Variants in PLEKHG1 observed in about 807,000 individuals in gnomAD.
PLEKHG1 encodes pleckstrin homology domain-containing family G member 1.
In PLEKHG1, 44 loss-of-function variants were observed where a neutral mutation model predicts 100.8. The observed-to-expected ratio is 0.44, with a 90% CI of 0.34 to 0.56. The LOEUF is 0.56. Among genes scored for constraint, PLEKHG1 ranks in the 20% least tolerant of loss-of-function variants. PLEKHG1 has a pLI of 0.01. For synonymous variants in PLEKHG1, 640 were observed against 662.5 expected (o/e 0.97, Z 0.52); for missense variants, 1,545 against 1,720.9 (o/e 0.90, Z 1.81).
At chr6:150,694,528 C>G (rs537550927) in intron 3 of PLEKHG1, among the ~76,000 whole-genome samples, 1 of 151,600 alleles carries the variant, frequency 6.6e-6, no homozygotes, top group Non-Finnish European at 1.5e-5. Context: ...GGTGAAACCC[C>G]GTCTCTACTA....
rs1252975611 is a variant in PLEKHG1 at position 150,832,815 on chromosome 6, C to T, written c.3094+610C>T. ...CCCACCTCAGCCTCCTGAGGTGGGACCAGAGGCACTAACCACCATGCCCAG... is the reference window on the plus strand; with the variant it reads ...CCCACCTCAGCCTCCTGAGGTGGGATCAGAGGCACTAACCACCATGCCCAG... On this transcript the variant is annotated intron_variant, in intron 15 of 15. Coordinates refer to ENST00000358517, the Ensembl canonical transcript of PLEKHG1. 2.0e-5 allele frequency among the ~76,000 whole-genome samples: 3 copies of T among 149,332 alleles called. No individual in the cohort carries two copies. The East Asian group carries it at 6.1e-4, about 30-fold the overall frequency.
intron 15 of PLEKHG1, among the ~76,000 whole-genome samples, chr6:150,837,369 A>G (rs1271622929): frequency 6.6e-6 from 1 of 152,204 alleles, no homozygotes; most frequent in Non-Finnish European, 1.5e-5. Flanking sequence ...GATGAGTAGG[A>G]TTTGATTAAG....
chr6:150,769,601 AAAG>A (rs1291177795), intron 3 of PLEKHG1, among the ~76,000 whole-genome samples: 23 of 146,750 alleles, frequency 1.6e-4, no homozygotes, highest in South Asian at 7.1e-4. Context: ...AAAAAAAAAA[AAAG>A]AAAGAAAAAA....
At chr6:150,660,110 A>G (rs1321480610) in intron 3 of PLEKHG1, among the ~76,000 whole-genome samples, 2 of 150,824 alleles carry the variant, frequency 1.3e-5, no homozygotes, top group Non-Finnish European at 2.9e-5. Flanking sequence ...GGGTTTCACC[A>G]TATTGGCCAG....
intron 3 of PLEKHG1, among the ~76,000 whole-genome samples, chr6:150,681,678 T>G: frequency 6.6e-6 from 1 of 152,040 alleles, no homozygotes; most frequent in East Asian, 1.9e-4. Flanking sequence ...AGTAGTCAGC[T>G]TTGCACAGCT....
chr6:150,609,016 A>G (rs1201235619), intron 1 of PLEKHG1, among the ~76,000 whole-genome samples: 1 of 152,232 alleles, frequency 6.6e-6, no homozygotes, highest in Admixed American at 6.5e-5. Flanking sequence ...GGAATAATAA[A>G]CCAACATGAA....
chr6:150,789,694 T>TCCTTAAA (rs1785854566), intron 4 of PLEKHG1, among the ~76,000 whole-genome samples: 3 of 152,226 alleles, frequency 2.0e-5, no homozygotes, highest in South Asian at 2.1e-4. Context: ...GTCAACTTGA[T>TCCTTAAA]ATTGTTCTAT....
intron 4 of PLEKHG1, among the ~76,000 whole-genome samples, chr6:150,790,450 C>T (rs373496257): frequency 1.3e-5 from 2 of 152,274 alleles, no homozygotes; most frequent in South Asian, 2.1e-4. Flanking sequence ...GGGAAACAGA[C>T]ACTCATAACT....
Position 150,821,118 on chromosome 6 carries a change from A to G in PLEKHG1, c.1409-77A>G, listed in dbSNP as rs79268386. On this transcript the variant is annotated intron_variant, in intron 12 of 15. Coordinates refer to ENST00000358517, the Ensembl canonical transcript of PLEKHG1. Reference sequence around the variant, plus strand: ...GCTCTGTTAATCTGTCAATAGGCTCATAATCCTCTTATAAAGAATAAAGAA... The same window carrying G: ...GCTCTGTTAATCTGTCAATAGGCTCGTAATCCTCTTATAAAGAATAAAGAA... 977 of 1,157,444 alleles carry G rather than the reference A, an allele frequency of 8.4e-4. 3 individuals carry two copies. Among genetic ancestry groups the G allele is most frequent in the African/African-American group, 8.4e-3 (552 of 65,720 alleles). 71.7% of individuals were successfully genotyped at this position (1,157,444 alleles called of 1,614,324 possible). A position where few individuals can be genotyped will look rare whatever the true frequency, so the allele number is the denominator to read the frequency against.
At chr6:150,641,934 T>G (rs1471438056) in intron 2 of PLEKHG1, among the ~76,000 whole-genome samples, 1 of 149,510 alleles carries the variant, frequency 6.7e-6, no homozygotes, top group Non-Finnish European at 1.5e-5. Flanking sequence ...TAGAATATTT[T>G]CAAGTGATGT....
chr6:150,840,844 T>A (rs1435762372), exon 16 of PLEKHG1: 1 of 1,613,858 alleles, frequency 6.2e-7, no homozygotes, highest in East Asian at 2.2e-5. Flanking sequence ...CAAAATATTG[T>A]CCAGTCTCTA....
At chr6:150,838,564 C>T (rs1198629205) in intron 15 of PLEKHG1, among the ~76,000 whole-genome samples, 1 of 152,160 alleles carries the variant, frequency 6.6e-6, no homozygotes, top group African/African-American at 2.4e-5. Context: ...GTGCAGATAC[C>T]TGGATTGGGG....
At chr6:150,746,469 G>C (rs4869943) in intron 2 of PLEKHG1, among the ~76,000 whole-genome samples, 3 of 152,016 alleles carry the variant, frequency 2.0e-5, no homozygotes, top group African/African-American at 7.2e-5. Flanking sequence ...ATGGTCTTCC[G>C]TTAGTGTTAA....
chr6:150,685,604 C>G (rs994753115), intron 3 of PLEKHG1, among the ~76,000 whole-genome samples: 5 of 151,500 alleles, frequency 3.3e-5, no homozygotes, highest in African/African-American at 1.2e-4. Flanking sequence ...TCCCATCCTG[C>G]ATTTCGACTT....
exon 16 of PLEKHG1, chr6:150,841,137 T>G (rs1777514615): frequency 1.6e-6 from 1 of 638,706 alleles, no homozygotes; most frequent in South Asian, 1.6e-5. Context: ...ATGTTTCATG[T>G]AAGTCAATCT....
intron 1 of PLEKHG1, among the ~76,000 whole-genome samples, chr6:150,725,704 A>G (rs916344966): frequency 3.0e-4 from 45 of 148,928 alleles, no homozygotes; most frequent in African/African-American, 1.1e-3. Flanking sequence ...TTTTGGTGTC[A>G]CATCCAAAAA....
At chr6:150,746,258 G>A (rs142976270) in intron 2 of PLEKHG1, among the ~76,000 whole-genome samples, 2 of 152,300 alleles carry the variant, frequency 1.3e-5, no homozygotes, top group East Asian at 3.9e-4. Context: ...TCAGAAATGA[G>A]AATTATGTTC....
intron 2 of PLEKHG1, among the ~76,000 whole-genome samples, chr6:150,646,043 G>A (rs964676448): frequency 2.0e-4 from 30 of 152,166 alleles, no homozygotes; most frequent in African/African-American, 7.2e-4. Context: ...CTATCCACCA[G>A]TACAAACAGT....
chr6:150,689,584 C>T (rs60050044), intron 3 of PLEKHG1, among the ~76,000 whole-genome samples: 3,621 of 152,194 alleles, frequency 0.024, 82 homozygotes, highest in South Asian at 0.071. Flanking sequence ...AGATTTTGGC[C>T]GGGCATGGTG....
Sources: allele counts gnomAD v4.1 joint callset (sites outside exome capture counted in the v4.1 genomes callset), GRCh38; gene constraint gnomAD v4.1.1; transcripts MANE v1.5; gene names NCBI Gene and HGNC (gene_info 2026-07-23, HGNC 2026-07-21).